The following ENPP1 variants were observed in gnomAD, a reference collection of about 807,000 sequenced individuals.
ENPP1 encodes the protein ectonucleotide pyrophosphatase/phosphodiesterase family member 1.
Under a neutral mutation model 122.8 loss-of-function variants are expected in ENPP1, and 73 were observed. The observed-to-expected ratio is 0.59, with a 90% CI of 0.49 to 0.72. The LOEUF (loss-of-function observed/expected upper bound fraction) is 0.72. ENPP1 is among the 30% of genes least tolerant of loss of function. The probability of loss-of-function intolerance (pLI) is 0.00; values close to 1 mark genes in which losing one functional copy is unlikely to be tolerated. For synonymous variants in ENPP1, 367 were observed against 391.6 expected, an observed-to-expected ratio of 0.94 and a Z score of 0.74; for missense variants, 978 against 1,128.1, an observed-to-expected ratio of 0.87 and a Z score of 1.91.
At chr6:131,826,476 G>C (rs6917903) in intron 1 of ENPP1, 425,670 of 1,048,810 alleles carry the variant, frequency 0.41, 87,529 homozygotes, top group East Asian at 0.46. Context: ...TGTGCCATAA[G>C]TTTAAGCAGG....
intron 19 of ENPP1, among the ~76,000 whole-genome samples, chr6:131,879,459 T>C (rs531915926): frequency 2.6e-5 from 4 of 152,328 alleles, no homozygotes; most frequent in African/African-American, 9.6e-5. Context: ...ATCTATATTG[T>C]TATTGTTTTA....
chr6:131,855,157 C>A, intron 6 of ENPP1, 134 bp downstream of exon 6: 1 of 725,020 alleles, frequency 1.4e-6, no homozygotes, highest in Non-Finnish European at 2.5e-6. Context: ...GTAGTTGAAC[C>A]TTGTGTAAGG....
In ENPP1 at chr6:131,890,732, A is replaced by G; in HGVS notation, c.*221A>G. ...ATTTGAATGTGTAAGCATTGTATACATTGATCAAGTTCGGGGGAATAAAGA... is the reference window on the plus strand; with the variant it reads ...ATTTGAATGTGTAAGCATTGTATACGTTGATCAAGTTCGGGGGAATAAAGA... On this transcript the variant is annotated 3_prime_UTR_variant, in exon 25 of 25. Transcript: ENST00000647893. 8.8e-6 allele frequency: 5 copies of G among 566,394 alleles called. No homozygotes were observed. Among genetic ancestry groups the G allele is most frequent in the Non-Finnish European group, 1.6e-5 (5 of 318,036 alleles). 35.1% of individuals were successfully genotyped at this position (566,394 alleles called of 1,614,324 possible). A position where few individuals can be genotyped will look rare whatever the true frequency, so the allele number is the denominator to read the frequency against.
In ENPP1 at chr6:131,892,133, T is replaced by A. The variant is rs1279001214; in HGVS notation, c.*1622T>A. On this transcript the variant is annotated 3_prime_UTR_variant, in exon 25 of 25. Coordinates refer to ENST00000647893, the MANE Select transcript of ENPP1 (RefSeq NM_006208.3). Reference sequence around the variant, plus strand: ...AATTCCAACATCTGTCACCTCATTGTTTGCATCTACTGATGGTCTTTTTTC... The same window carrying A: ...AATTCCAACATCTGTCACCTCATTGATTGCATCTACTGATGGTCTTTTTTC... The A allele has an allele frequency of 6.6e-6, 1 of 152,210 alleles. No individual in the cohort carries two copies. The highest frequency in any genetic ancestry group is 1.5e-5 in the Non-Finnish European group (1 of 68,034). 9.4% of individuals were successfully genotyped at this position (152,210 alleles called of 1,614,324 possible).
At chr6:131,838,437 T>G (rs951052385) in intron 1 of ENPP1, among the ~76,000 whole-genome samples, 3 of 151,996 alleles carry the variant, frequency 2.0e-5, no homozygotes, top group Admixed American at 1.3e-4. Context: ...AGATGAAAGC[T>G]GAGAAGAAAA....
chr6:131,825,936 G>A (rs1697062133), intron 1 of ENPP1: 4 of 463,322 alleles, frequency 8.6e-6, no homozygotes, highest in Non-Finnish European at 1.2e-5. Context: ...AAGCCCTGGA[G>A]CATACTTTCA....
At chr6:131,821,743 A>T (rs1585793384) in intron 1 of ENPP1, among the ~76,000 whole-genome samples, 1 of 152,306 alleles carries the variant, frequency 6.6e-6, no homozygotes, top group East Asian at 1.9e-4. Flanking sequence ...TATCATGTAG[A>T]TGGTGCTTTC....
At chr6:131,821,034 A>G (rs1781478998) in intron 1 of ENPP1, among the ~76,000 whole-genome samples, 1 of 152,200 alleles carries the variant, frequency 6.6e-6, no homozygotes, top group Non-Finnish European at 1.5e-5. Context: ...AATGTGACTG[A>G]GAATTTTTTA....
At position 131,888,513 on chromosome 6, in the gene ENPP1, A is replaced by T. The variant is rs566339630; in HGVS notation, c.2607+1789A>T. 1.4e-4 allele frequency among the ~76,000 whole-genome samples: 21 copies of T among 152,318 alleles called. No homozygotes were observed. The East Asian group carries it at 4.1e-3, about 29-fold the overall frequency. On this transcript the variant is annotated intron_variant, in intron 24 of 24. Coordinates refer to ENST00000647893, the MANE Select transcript of ENPP1 (RefSeq NM_006208.3). Reference sequence around the variant, plus strand: ...TAGTGAGCTCTTCTCTGGGCCCAAGAGTAGAATACAATGATCCGTTTGCCA... The same window carrying T: ...TAGTGAGCTCTTCTCTGGGCCCAAGTGTAGAATACAATGATCCGTTTGCCA...
intron 7 of ENPP1, among the ~76,000 whole-genome samples, chr6:131,860,117 G>A (rs1781999378): frequency 6.6e-6 from 1 of 152,170 alleles, no homozygotes; most frequent in Non-Finnish European, 1.5e-5. Flanking sequence ...GAGCCACTGG[G>A]TCTGGCTGAG....
At chr6:131,811,362 CTATATCTATATCTA>C (rs1372765687) in intron 1 of ENPP1, among the ~76,000 whole-genome samples, 30 of 134,214 alleles carry the variant, frequency 2.2e-4, no homozygotes, top group African/African-American at 8.1e-4. Flanking sequence ...AAACATATAT[CTATATCTATATCTA>C]TATATCTATA....
intron 1 of ENPP1, among the ~76,000 whole-genome samples, chr6:131,829,453 C>G (rs1263470733): frequency 6.6e-6 from 1 of 152,072 alleles, no homozygotes; most frequent in African/African-American, 2.4e-5. Flanking sequence ...CAAGATAACC[C>G]TCAAAATGGA....
rs115371819 is a variant in ENPP1 at position 131,879,936 on chromosome 6, G to A, written c.2002G>A (p.Glu668Lys). 4,202 of 1,613,632 alleles carry A rather than the reference G, an allele frequency of 2.6e-3. 94 individuals are homozygous for A. In the African/African-American group the frequency reaches 0.05, roughly 19 times the overall value. Residue 668 changes from glutamate to lysine, a missense_variant, in exon 20 of 25, where the codon GAA becomes AAA. Coordinates refer to ENST00000647893, the MANE Select transcript of ENPP1 (RefSeq NM_006208.3). ...TGGAAGACCTAGAGTTCTCCAGAAG[G>A]AAAACACCATCTGTCTTCTTTCCCA... ...PYGRPRVLQK[E>K]NTICLLSQHQ... is the part of the protein sequence containing the mutation.
intron 1 of ENPP1, among the ~76,000 whole-genome samples, chr6:131,823,035 A>C (rs1444645383): frequency 2.0e-5 from 3 of 152,226 alleles, no homozygotes; most frequent in Non-Finnish European, 2.9e-5. Context: ...GTAGACGTTA[A>C]TCAATGTAGG....
At chr6:131,876,862 A>G (rs1335838760) in intron 17 of ENPP1, 130 bp from the exon 18 acceptor site, 7 of 801,716 alleles carry the variant, frequency 8.7e-6, no homozygotes, top group Non-Finnish European at 1.5e-5. Context: ...AGAGAGTTTT[A>G]TACTTTTATT....
At chr6:131,848,656 C>T (rs1021677844) in intron 2 of ENPP1, among the ~76,000 whole-genome samples, 4 of 152,040 alleles carry the variant, frequency 2.6e-5, no homozygotes, top group African/African-American at 9.7e-5. Context: ...TAGTGTTTAC[C>T]TATGTCATCT....
chr6:131,860,826 G>A (rs1381988339), intron 8 of ENPP1, among the ~76,000 whole-genome samples: 2 of 152,060 alleles, frequency 1.3e-5, no homozygotes, highest in South Asian at 4.2e-4. Context: ...CGTTGTTTTT[G>A]AACGTCTTGG....
intron 24 of ENPP1, among the ~76,000 whole-genome samples, chr6:131,889,355 G>C (rs77164430): frequency 6.6e-6 from 1 of 152,090 alleles, no homozygotes; most frequent in South Asian, 2.1e-4. Context: ...GCATCCATTA[G>C]CTATTCTTTC....
chr6:131,837,418 C>T (rs553077539), intron 1 of ENPP1, among the ~76,000 whole-genome samples: 1 of 148,122 alleles, frequency 6.8e-6, no homozygotes, highest in Non-Finnish European at 1.5e-5. Context: ...CCCAGCCACT[C>T]GGGAGGCTGA....
Sources: allele counts gnomAD v4.1 joint callset (sites outside exome capture counted in the v4.1 genomes callset), GRCh38; gene constraint gnomAD v4.1.1; transcripts MANE v1.5; gene names NCBI Gene and HGNC (gene_info 2026-07-23, HGNC 2026-07-21).